The following PRSS12 variants were observed in gnomAD, a reference collection of about 807,000 sequenced individuals.
The protein encoded by PRSS12 is neurotrypsin.
In PRSS12, 85 loss-of-function variants were observed where a neutral mutation model predicts 104.4. The ratio of observed to expected loss-of-function variants is 0.81; its 90% CI spans 0.68 to 0.98. The LOEUF is 0.98. Ranked by LOEUF, PRSS12 falls within the 50% of genes least tolerant of loss-of-function variation. The probability of loss-of-function intolerance (pLI) is 0.00; values close to 1 mark genes in which losing one functional copy is unlikely to be tolerated. For synonymous variants in PRSS12, 454 were observed against 425.2 expected (o/e 1.07, Z -0.83); for missense variants, 1,141 against 1,139.2 (o/e 1.00, Z -0.02).
Position 118,338,156 on chromosome 4 carries a change from T to C in PRSS12, c.641+20A>G. 6.2e-7 allele frequency: 1 copy of C among 1,613,836 alleles called. No individual in the cohort carries two copies. Among genetic ancestry groups the C allele is most frequent in the Admixed American group, 1.7e-5 (1 of 59,982 alleles). On this transcript the variant is annotated intron_variant, in intron 2 of 12. Coordinates refer to ENST00000296498, the MANE Select transcript of PRSS12 (RefSeq NM_003619.4). ...CTCAAATACTAGCTGACTGATTTGG[T>C]CAGGGATGGGTACACTCACCCCAGC... is the stretch of plus-strand genomic sequence containing the variant.
At chr4:118,313,025 C>A (rs184908560) in intron 7 of PRSS12, 176 bp downstream of exon 7, 70 of 705,218 alleles carry the variant, frequency 9.9e-5, no homozygotes, top group Admixed American at 3.7e-4. Context: ...ATAATGTTGG[C>A]GCACAGACTC....
chr4:118,305,276 T>C (rs565036240), intron 8 of PRSS12, among the ~76,000 whole-genome samples: 1 of 151,988 alleles, frequency 6.6e-6, no homozygotes, highest in African/African-American at 2.4e-5. Context: ...TGATGGCAAA[T>C]TGCAGATTAT....
intron 1 of PRSS12, among the ~76,000 whole-genome samples, chr4:118,343,189 G>A (rs1724259819): frequency 6.6e-6 from 1 of 151,602 alleles, no homozygotes; most frequent in Non-Finnish European, 1.5e-5. Context: ...TGGGGTTAGA[G>A]ATCGGCCTAG....
At chr4:118,331,996 G>T in intron 3 of PRSS12, 130 bp from the exon 4 acceptor site, 2 of 1,133,682 alleles carry the variant, frequency 1.8e-6, no homozygotes, top group Non-Finnish European at 2.5e-6. Context: ...CAGTGATATG[G>T]ACATACGTAT....
intron 12 of PRSS12, 79 bp from the exon 13 acceptor site, chr4:118,282,322 T>TA (rs1742902873): frequency 1.3e-6 from 2 of 1,560,658 alleles, no homozygotes; most frequent in Non-Finnish European, 1.8e-6. Context: ...ATGTAATAGT[T>TA]ATGAAAATAA....
chr4:118,299,745 A>ATAAAAT (rs1743348752), intron 8 of PRSS12, among the ~76,000 whole-genome samples: 1 of 55,448 alleles, frequency 1.8e-5, no homozygotes, highest in Non-Finnish European at 4.3e-5. Context: ...ATAAAATAAA[A>ATAAAAT]TAAATAAAAT....
At chr4:118,332,221 A>G (rs1181577947) in intron 3 of PRSS12, among the ~76,000 whole-genome samples, 1 of 152,208 alleles carries the variant, frequency 6.6e-6, no homozygotes, top group African/African-American at 2.4e-5. Flanking sequence ...TTTTATTTAC[A>G]GTAACTTGAG....
intron 1 of PRSS12, among the ~76,000 whole-genome samples, chr4:118,347,056 G>A (rs535983759): frequency 1.1e-4 from 16 of 151,558 alleles, no homozygotes; most frequent in Admixed American, 3.3e-4. Flanking sequence ...CAATAGTAAC[G>A]GGATATCTTA....
chr4:118,352,633 G>A lies in PRSS12; in HGVS notation c.88C>T (p.His30Tyr), dbSNP rs755882098. The change falls in exon 1 of 13, where the codon CAC becomes TAC. Residue 30 changes from histidine (H) to tyrosine (Y), a missense_variant. Physicochemically the swap from His to Tyr is moderately conservative, Grantham distance 83 (BLOSUM62 2). Coordinates refer to ENST00000296498, the MANE Select transcript of PRSS12 (RefSeq NM_003619.4). ...GGGGGCGAATGGCGGTGGCTGTGGTGGAGGGAATCATTGAGGACAGAATCA... is the reference window on the plus strand; with the variant it reads ...GGGGGCGAATGGCGGTGGCTGTGGTAGAGGGAATCATTGAGGACAGAATCA... ...GFDSVLNDSL[H>Y]HSHRHSPPAG... 5 of 1,612,690 alleles carry A rather than the reference G, an allele frequency of 3.1e-6. No individual in the cohort carries two copies. The highest frequency in any genetic ancestry group is 2.2e-5 in the South Asian group (2 of 90,790).
At position 118,352,873 on chromosome 4, in the gene PRSS12, G is replaced by C; in HGVS notation, c.-153C>G. The C allele has an allele frequency of 7.0e-7, 1 of 1,424,172 alleles. No homozygotes were observed. 88.2% of individuals were successfully genotyped at this position (1,424,172 alleles called of 1,614,324 possible). ...GGACCGCCCTCGCCTCCCCAACCTTGCCTCCCGCCGCTGGTGCCCTGCCGC... is the reference window on the plus strand; with the variant it reads ...GGACCGCCCTCGCCTCCCCAACCTTCCCTCCCGCCGCTGGTGCCCTGCCGC... On this transcript the variant is annotated 5_prime_UTR_variant, in exon 1 of 13. Coordinates refer to ENST00000296498, the MANE Select transcript of PRSS12 (RefSeq NM_003619.4).
At chr4:118,351,584 T>C (rs1724506286) in intron 1 of PRSS12, among the ~76,000 whole-genome samples, 1 of 152,198 alleles carries the variant, frequency 6.6e-6, no homozygotes, top group Non-Finnish European at 1.5e-5. Context: ...TTCACCAAGA[T>C]AGTAGTATTC....
chr4:118,306,275 G>A (rs188940316), intron 8 of PRSS12, among the ~76,000 whole-genome samples: 1 of 152,262 alleles, frequency 6.6e-6, no homozygotes, highest in East Asian at 1.9e-4. Context: ...TCTAACATGA[G>A]GCTAAATTCA....
At chr4:118,314,526 T>C (rs1262697345) in intron 6 of PRSS12, among the ~76,000 whole-genome samples, 1 of 152,108 alleles carries the variant, frequency 6.6e-6, no homozygotes, top group Non-Finnish European at 1.5e-5. Context: ...CATCTGTCCA[T>C]AGCAACTACA....
chr4:118,313,183 G>A lies in PRSS12; in HGVS notation c.1489+18C>T. 8 of 1,611,434 alleles carry A rather than the reference G, an allele frequency of 5.0e-6. No homozygotes were observed. The highest frequency in any genetic ancestry group is 5.9e-6 in the Non-Finnish European group (7 of 1,179,482). On this transcript the variant is annotated intron_variant, in intron 7 of 12. Transcript: ENST00000296498. ...GCTACTGAATGATGGAAACTTGAGA[G>A]CTGCAGCCAGTCCTCACCCAGAGAG...
intron 7 of PRSS12, among the ~76,000 whole-genome samples, chr4:118,312,359 TACAC>T (rs112357551): frequency 6.7e-6 from 1 of 150,362 alleles, no homozygotes; most frequent in Non-Finnish European, 1.5e-5. Flanking sequence ...TTCATACACA[TACAC>T]ACACACACAC....
At chr4:118,340,217 A>AC (rs1376461098) in intron 1 of PRSS12, among the ~76,000 whole-genome samples, 1 of 152,214 alleles carries the variant, frequency 6.6e-6, no homozygotes, top group Non-Finnish European at 1.5e-5. Context: ...TATCAGCTGC[A>AC]CCATCATTTT....
Position 118,316,191 on chromosome 4 carries a change from A to C in PRSS12, c.1283T>G (p.Leu428Trp). The change falls in exon 6 of 13, where the codon TTG becomes TGG. Residue 428 changes from leucine to tryptophan, a missense_variant. Physicochemically the swap from Leu to Trp is moderately conservative, Grantham distance 61. Coordinates refer to ENST00000296498, the MANE Select transcript of PRSS12 (RefSeq NM_003619.4). ...ELNTYVVCRQ[L>W]GFKYGKQASA... ...AATTAATGAACCTTACTTAAATCCC[A>C]ATTGTCGACAAACCACGTATGTATT... is the stretch of plus-strand genomic sequence containing the variant. 1 of 1,614,102 alleles carries C rather than the reference A, an allele frequency of 6.2e-7. No individual in the cohort carries two copies. Among genetic ancestry groups the C allele is most frequent in the Non-Finnish European group, 8.5e-7 (1 of 1,180,004 alleles).
At chr4:118,350,954 T>C (rs1724483146) in intron 1 of PRSS12, among the ~76,000 whole-genome samples, 1 of 152,218 alleles carries the variant, frequency 6.6e-6, no homozygotes, top group Non-Finnish European at 1.5e-5. Flanking sequence ...CTATAATCTC[T>C]TATGGTGAAT....
chr4:118,348,067 A>C (rs995144447), intron 1 of PRSS12, among the ~76,000 whole-genome samples: 4 of 152,072 alleles, frequency 2.6e-5, no homozygotes, highest in African/African-American at 9.7e-5. Flanking sequence ...CCATCTCTAC[A>C]AACAATACAA....
Sources: allele counts gnomAD v4.1 joint callset (sites outside exome capture counted in the v4.1 genomes callset), GRCh38; gene constraint gnomAD v4.1.1; transcripts MANE v1.5; gene names NCBI Gene and HGNC (gene_info 2026-07-23, HGNC 2026-07-21).